ADAM10: variants seen among roughly 807,000 people sequenced by gnomAD.
The protein encoded by ADAM10 is ADAM metallopeptidase domain 10.
ADAM10 carries 17 observed loss-of-function variants against 90.1 expected under a neutral mutation model. The observed-to-expected ratio is 0.19, with a 90% CI of 0.13 to 0.28. The LOEUF is 0.28. ADAM10 is among the 10% of genes least tolerant of loss of function. ADAM10 has a pLI of 1.00. For synonymous variants in ADAM10, 310 were observed against 298.6 expected, an observed-to-expected ratio of 1.04 and a Z score of -0.40; for missense variants, 610 against 914.3, an observed-to-expected ratio of 0.67 and a Z score of 4.29.
chr15:58,730,076 A>G lies in ADAM10; in HGVS notation c.56-12349T>C, dbSNP rs537255365. On this transcript the variant is annotated intron_variant, in intron 1 of 15. Transcript: ENST00000260408. ...CGTAAGCATAATGCAAATATTCCCA[A>G]AATCGGAAAATTTAAAGATCCAAAA... 2.0e-4 allele frequency among the ~76,000 whole-genome samples: 30 copies of G among 152,286 alleles called. No homozygotes were observed. In the South Asian group the frequency reaches 5.8e-3, roughly 29 times the overall value.
At chr15:58,682,128 T>C (rs1897458071) in intron 3 of ADAM10, 68 bp downstream of exon 3, 2 of 1,592,596 alleles carry the variant, frequency 1.3e-6, no homozygotes, top group Admixed American at 3.5e-5. Flanking sequence ...TGCTTACACT[T>C]CAAAATGAGT....
At position 58,649,755 on chromosome 15, in the gene ADAM10, T is replaced by A. The variant is rs1197215826; in HGVS notation, c.586-3551A>T. On this transcript the variant is annotated intron_variant, in intron 5 of 15. Coordinates refer to ENST00000260408, the MANE Select transcript of ADAM10 (RefSeq NM_001110.4). ...TTCGGACTTCTCAAATAATGTGCTA[T>A]GGTATTGTTTTCAGTGTAAAGCATT... 2.6e-5 allele frequency among the ~76,000 whole-genome samples: 4 copies of A among 152,328 alleles called. No homozygotes were observed. In the East Asian group the frequency reaches 7.7e-4, roughly 29 times the overall value.
chr15:58,597,480 T>G lies in ADAM10; in HGVS notation c.*67A>C, dbSNP rs375375156. ...GTTTAGTTTGGAGATGATGACTTAA[T>G]AGGTTTCTCTTTGGAGTGAAGTTTT... On this transcript the variant is annotated 3_prime_UTR_variant, in exon 16 of 16. Transcript: ENST00000260408. 1.9e-6 allele frequency: 3 copies of G among 1,612,306 alleles called. No individual in the cohort carries two copies. Among genetic ancestry groups the G allele is most frequent in the East Asian group, 2.2e-5 (1 of 44,874 alleles).
intron 15 of ADAM10, among the ~76,000 whole-genome samples, chr15:58,598,391 T>C (rs757624641): frequency 4.6e-5 from 7 of 152,214 alleles, no homozygotes; most frequent in Non-Finnish European, 5.9e-5. Flanking sequence ...CTAACTAACA[T>C]TGTGAACTTA....
chr15:58,703,661 T>G (rs1898193707), intron 2 of ADAM10, among the ~76,000 whole-genome samples: 1 of 152,140 alleles, frequency 6.6e-6, no homozygotes, highest in Admixed American at 6.5e-5. Flanking sequence ...CCCACCCAAA[T>G]CTCATGTTGA....
chr15:58,621,613 G>T lies in ADAM10; in HGVS notation c.1369C>A (p.Gln457Lys), dbSNP rs1895789341. 6.2e-7 allele frequency: 1 copy of T among 1,613,828 alleles called. No homozygotes were observed. The highest frequency in any genetic ancestry group is 1.7e-5 in the Admixed American group (1 of 59,996). Residue 457 changes from glutamine to lysine, a missense_variant, in exon 11 of 16, where the codon CAA becomes AAA. Gln to Lys is a moderately conservative substitution (Grantham distance 53). Transcript: ENST00000260408. ...ACCATTCCATTTCCACAAATAGGTT[G>T]GCCAGATTCTGAGGAAAATAAACAA... ...KRNNCFVESG[Q>K]PICGNGMVEQ...
intron 2 of ADAM10, among the ~76,000 whole-genome samples, chr15:58,710,576 T>A (rs16940684): frequency 0.038 from 5,766 of 152,204 alleles, 345 homozygotes; most frequent in African/African-American, 0.13. Flanking sequence ...AATCCAATAC[T>A]GAGATAAAAA....
intron 1 of ADAM10, among the ~76,000 whole-genome samples, chr15:58,740,410 A>G (rs1022735263): frequency 1.5e-5 from 2 of 134,316 alleles, no homozygotes; most frequent in Non-Finnish European, 3.0e-5. Flanking sequence ...CTCTGTCTCT[A>G]GGGAAGAAAA....
chr15:58,627,989 A>T (rs1225895301), intron 9 of ADAM10, 106 bp from the exon 10 acceptor site: 4 of 1,127,182 alleles, frequency 3.5e-6, no homozygotes, highest in Non-Finnish European at 5.2e-6. Flanking sequence ...AAGCTTGTGG[A>T]CTCTCCTTTA....
intron 14 of ADAM10, among the ~76,000 whole-genome samples, chr15:58,601,136 T>C (rs1478319741): frequency 2.0e-5 from 3 of 152,066 alleles, no homozygotes; most frequent in South Asian, 2.1e-4. Context: ...TAAAGAAAAG[T>C]TGCAAGTACA....
intron 1 of ADAM10, among the ~76,000 whole-genome samples, chr15:58,739,920 A>T (rs573762301): frequency 1.3e-5 from 2 of 152,342 alleles, no homozygotes; most frequent in East Asian, 3.9e-4. Flanking sequence ...ATGTATCCAG[A>T]AGTCCAGTCC....
intron 5 of ADAM10, among the ~76,000 whole-genome samples, chr15:58,657,996 A>G (rs912440363): frequency 6.7e-6 from 1 of 148,296 alleles, no homozygotes; most frequent in Admixed American, 6.7e-5. Flanking sequence ...TTGTTTTCCT[A>G]TTTTTCTTAA....
rs1340334871 is a variant in ADAM10, at chr15:58,655,713, A to G, written c.585+9384T>C. Among the ~76,000 whole-genome samples, 383 of 54,020 alleles carry G rather than the reference A, an allele frequency of 7.1e-3. 22 individuals carry two copies. Among genetic ancestry groups the G allele is most frequent in the East Asian group, 0.015 (9 of 588 alleles). The allele number at this position is 54,020 out of a possible 152,430, so 35.4% of individuals were successfully genotyped here. A position where few individuals can be genotyped will look rare whatever the true frequency, so the allele number is the denominator to read the frequency against. On this transcript the variant is annotated intron_variant, in intron 5 of 15. Coordinates refer to ENST00000260408, the MANE Select transcript of ADAM10 (RefSeq NM_001110.4). The stretch of plus-strand genomic sequence containing the variant: ...TATATATAGTATATATATATATAGT[A>G]TATATATATATATATATATATATAT...
chr15:58,655,717 AT>A (rs1896804745), intron 5 of ADAM10, among the ~76,000 whole-genome samples: 2 of 55,458 alleles, frequency 3.6e-5, no homozygotes, highest in Non-Finnish European at 2.9e-5. Context: ...TATAGTATAT[AT>A]ATATATATAT....
At chr15:58,643,360 T>G (rs1427086927) in intron 7 of ADAM10, among the ~76,000 whole-genome samples, 1 of 152,206 alleles carries the variant, frequency 6.6e-6, no homozygotes, top group East Asian at 1.9e-4. Flanking sequence ...TATGGGTTTC[T>G]TTCCTGAAAG....
chr15:58,610,976 T>G, intron 13 of ADAM10, 23 bp downstream of exon 13: 3 of 1,562,702 alleles, frequency 1.9e-6, no homozygotes, highest in Non-Finnish European at 2.6e-6. Context: ...AATTTTATAC[T>G]CTTGTGTTTT....
chr15:58,605,303 A>G (rs372753186), intron 14 of ADAM10, among the ~76,000 whole-genome samples: 64 of 152,302 alleles, frequency 4.2e-4, no homozygotes, highest in African/African-American at 1.4e-3. Context: ...AATGCTTGAG[A>G]TGTTTTAGTG....
At chr15:58,739,021 T>A (rs1309931880) in intron 1 of ADAM10, among the ~76,000 whole-genome samples, 1 of 152,058 alleles carries the variant, frequency 6.6e-6, no homozygotes, top group East Asian at 1.9e-4. Context: ...CCTTTTCCCA[T>A]AAGATATCCC....
chr15:58,725,903 A>T (rs1040500766), intron 1 of ADAM10, among the ~76,000 whole-genome samples: 5 of 152,232 alleles, frequency 3.3e-5, no homozygotes, highest in Admixed American at 1.3e-4. Flanking sequence ...CATCACTAGT[A>T]GCCTCCATTA....
Sources: allele counts gnomAD v4.1 joint callset (sites outside exome capture counted in the v4.1 genomes callset), GRCh38; gene constraint gnomAD v4.1.1; transcripts MANE v1.5; gene names NCBI Gene and HGNC (gene_info 2026-07-23, HGNC 2026-07-21).